The following EPHA8 variants were observed in gnomAD, a reference collection of about 807,000 sequenced individuals.
EPHA8 encodes ephrin type-A receptor 8.
Under a neutral mutation model 103.6 loss-of-function variants are expected in EPHA8, and 58 were observed. The ratio of observed to expected loss-of-function variants is 0.56; its 90% confidence interval spans 0.45 to 0.70. EPHA8 has a LOEUF of 0.70. Ranked by LOEUF, EPHA8 falls within the 30% of genes least tolerant of loss-of-function variation. The pLI, the probability that EPHA8 is intolerant of heterozygous loss-of-function variation, is 0.00. For synonymous variants in EPHA8, 559 were observed against 572.5 expected, an observed-to-expected ratio of 0.98 and a Z score of 0.34; for missense variants, 1,304 against 1,395.2, an observed-to-expected ratio of 0.93 and a Z score of 1.04.
At chr1:22,592,951 G>A (rs1160942391) in intron 5 of EPHA8, among the ~76,000 whole-genome samples, 3 of 152,150 alleles carry the variant, frequency 2.0e-5, no homozygotes, top group African/African-American at 7.2e-5. Flanking sequence ...CCAAACCCAG[G>A]CAGTGAGGGG....
rs912824770 is a variant in EPHA8, at chr1:22,598,450, G to T, written c.2178+238G>T. 6.6e-6 allele frequency among the ~76,000 whole-genome samples: 1 copy of T among 152,212 alleles called. No individual in the cohort carries two copies. The highest frequency in any genetic ancestry group is 1.5e-5 in the Non-Finnish European group (1 of 68,042). On this transcript the variant is annotated intron_variant, in intron 12 of 16. Transcript: ENST00000166244. This position sits in a 1 kb window ranked among gnomAD's most constrained non-coding sequence, Gnocchi z 5.1. ...TCCTGCTGCCCTGCACACAGGCTGAGGGGGGTGCCTCTGTGGGAATCCAGG... is the reference window on the plus strand; with the variant it reads ...TCCTGCTGCCCTGCACACAGGCTGATGGGGGTGCCTCTGTGGGAATCCAGG...
intron 2 of EPHA8, among the ~76,000 whole-genome samples, chr1:22,572,520 C>G (rs1640572348): frequency 6.6e-6 from 1 of 152,224 alleles, no homozygotes; most frequent in Admixed American, 6.5e-5. Context: ...CTTCCGCATG[C>G]TGGGACGTGC....
intron 5 of EPHA8, 44 bp from the exon 6 acceptor site, chr1:22,593,282 G>A (rs759343350): frequency 9.1e-6 from 14 of 1,538,890 alleles, no homozygotes; most frequent in South Asian, 4.8e-5. Context: ...GAGAGGCCAC[G>A]CCTTGTCTCC....
At chr1:22,583,752 G>T (rs1641111103) in intron 3 of EPHA8, among the ~76,000 whole-genome samples, 1 of 152,226 alleles carries the variant, frequency 6.6e-6, no homozygotes, top group Middle Eastern at 3.2e-3. Context: ...ATGTCACTGA[G>T]CTCAGATAAA....
Position 22,596,092 on chromosome 1 carries a change from G to T in EPHA8, c.1698-14G>T, listed in dbSNP as rs377345132. ...GTGGCCTGGCCTCAGGCAGGGCGGT[G>T]CCCTCCTCTGCAGGCACTGTGGCTA... On this transcript the variant is annotated splice_polypyrimidine_tract_variant and intron_variant, in intron 8 of 16. Transcript: ENST00000166244. 2.3e-5 allele frequency: 37 copies of T among 1,613,380 alleles called. No homozygotes were observed. Among genetic ancestry groups the T allele is most frequent in the Middle Eastern group, 1.6e-4 (1 of 6,082 alleles).
chr1:22,591,223 C>A (rs545152678), intron 5 of EPHA8, among the ~76,000 whole-genome samples: 1 of 152,040 alleles, frequency 6.6e-6, no homozygotes, highest in East Asian at 1.9e-4. Context: ...GACCCCATCT[C>A]TACAAAAAAA....
In EPHA8 at chr1:22,569,161, G is replaced by A; in HGVS notation, c.95-128G>A. 1.2e-6 allele frequency: 1 copy of A among 827,404 alleles called. No homozygotes were observed. The highest frequency in any genetic ancestry group is 2.0e-6 in the Non-Finnish European group (1 of 507,666). The allele number at this position is 827,404 out of a possible 1,614,324, so 51.3% of individuals were successfully genotyped here. A position where few individuals can be genotyped will look rare whatever the true frequency, so the allele number is the denominator to read the frequency against. On this transcript the variant is annotated intron_variant, in intron 1 of 16. Transcript: ENST00000166244. This position sits in a 1 kb window ranked among gnomAD's most constrained non-coding sequence, Gnocchi z 4.5. ...GAGGGGAAGAGAGAAAGGGCATTCAGGCAGAGGGACCCGTGTGAGCTGTGT... is the reference window on the plus strand; with the variant it reads ...GAGGGGAAGAGAGAAAGGGCATTCAAGCAGAGGGACCCGTGTGAGCTGTGT...
intron 13 of EPHA8, among the ~76,000 whole-genome samples, chr1:22,599,896 GAAGGA>G (rs2148270366): frequency 1.3e-5 from 1 of 75,338 alleles, no homozygotes; most frequent in African/African-American, 5.8e-5. Context: ...GGGGAGGAAG[GAAGGA>G]AGGGAGGGAA....
chr1:22,600,114 G>A (rs1189760812), intron 13 of EPHA8, among the ~76,000 whole-genome samples: 2 of 124,274 alleles, frequency 1.6e-5, no homozygotes, highest in Non-Finnish European at 3.4e-5. Context: ...GAAGGAGGAA[G>A]GAAGGAGGGA....
intron 3 of EPHA8, among the ~76,000 whole-genome samples, chr1:22,585,511 C>T (rs1641177819): frequency 6.6e-6 from 1 of 152,204 alleles, no homozygotes; most frequent in Non-Finnish European, 1.5e-5. Flanking sequence ...CCTTAGCCCC[C>T]TTGTTCTCTC....
chr1:22,586,735 G>A (rs1641220691), intron 4 of EPHA8, 100 bp downstream of exon 4: 2 of 1,475,260 alleles, frequency 1.4e-6, no homozygotes, highest in South Asian at 1.3e-5. Context: ...CTCTGCTGGT[G>A]GGGCAGGGGC....
chr1:22,582,228 G>A (rs570220), intron 3 of EPHA8, among the ~76,000 whole-genome samples: 49,377 of 152,124 alleles, frequency 0.32, 10,227 homozygotes, highest in African/African-American at 0.6. Context: ...CTTCTGGGCA[G>A]TTCTCTCAGC....
Position 22,598,008 on chromosome 1 carries a change from C to A in EPHA8, c.2117-143C>A, listed in dbSNP as rs1454029133. 4 of 1,420,524 alleles carry A rather than the reference C, an allele frequency of 2.8e-6. No homozygotes were observed. The highest frequency in any genetic ancestry group is 3.9e-6 in the Non-Finnish European group (4 of 1,019,776). 88.0% of individuals were successfully genotyped at this position (1,420,524 alleles called of 1,614,324 possible). On this transcript the variant is annotated intron_variant, in intron 11 of 16. Coordinates refer to ENST00000166244, the MANE Select transcript of EPHA8 (RefSeq NM_020526.5). This position sits in a 1 kb window ranked among gnomAD's most constrained non-coding sequence, Gnocchi z 5.1. ...CCTGAATGACTCGGGGTGCCCAGAG[C>A]CTGGGACCCCAGTGGAAACCCAAGG...
chr1:22,584,293 C>T (rs1370609198), intron 3 of EPHA8, among the ~76,000 whole-genome samples: 5 of 152,300 alleles, frequency 3.3e-5, no homozygotes, highest in Admixed American at 6.5e-5. Flanking sequence ...CTCACGACTC[C>T]GAGCTCCTAG....
Position 22,589,294 on chromosome 1 carries a change from A to G in EPHA8, c.1315+88A>G, listed in dbSNP as rs771267594. 1 of 1,613,138 alleles carries G rather than the reference A, an allele frequency of 6.2e-7. No individual in the cohort carries two copies. The highest frequency in any genetic ancestry group is 8.5e-7 in the Non-Finnish European group (1 of 1,179,830). On this transcript the variant is annotated intron_variant, in intron 5 of 16. Coordinates refer to ENST00000166244, the MANE Select transcript of EPHA8 (RefSeq NM_020526.5). The surrounding 1 kb of genome is among the most constrained non-coding windows in gnomAD (Gnocchi z 4.3). ...TCCAGGGATCAGAGCTCTGCCGGGGACGTGCTGTGGGCCTTTAGGCAAGTG... is the reference window on the plus strand; with the variant it reads ...TCCAGGGATCAGAGCTCTGCCGGGGGCGTGCTGTGGGCCTTTAGGCAAGTG...
chr1:22,597,767 G>T lies in EPHA8; in HGVS notation c.2022G>T (p.Thr674=). The change falls in exon 11 of 17, where the codon ACG becomes ACT. Residue 674 remains threonine, a synonymous_variant. Coordinates refer to ENST00000166244, the MANE Select transcript of EPHA8 (RefSeq NM_020526.5). The surrounding 1 kb of genome is among the most constrained non-coding windows in gnomAD (Gnocchi z 4.6). ...TCAAGGCCCTCAAAGCCGGCTACAC[G>T]GAGAGACAGAGGCGGGACTTCCTGA... ...VAIKALKAGY[T]ERQRRDFLSE... 1 of 1,613,252 alleles carries T rather than the reference G, an allele frequency of 6.2e-7. No individual in the cohort carries two copies. The highest frequency in any genetic ancestry group is 8.5e-7 in the Non-Finnish European group (1 of 1,180,002).
intron 5 of EPHA8, among the ~76,000 whole-genome samples, chr1:22,591,236 T>G (rs1174773645): frequency 1.3e-5 from 2 of 151,310 alleles, no homozygotes; most frequent in Non-Finnish European, 2.9e-5. Context: ...CAAAAAAAAT[T>G]TTTTTTGAGA....
chr1:22,564,946 C>T (rs543671698), intron 1 of EPHA8, among the ~76,000 whole-genome samples: 2 of 152,192 alleles, frequency 1.3e-5, no homozygotes, highest in East Asian at 1.9e-4. Context: ...CACAGCTCAC[C>T]GAGGGCCCAC....
Position 22,602,347 on chromosome 1 carries a change from T to G in EPHA8, c.*606T>G, listed in dbSNP as rs1431732464. The G allele has an allele frequency of 6.4e-6, 1 of 156,472 alleles. No individual in the cohort carries two copies. Among genetic ancestry groups the G allele is most frequent in the Non-Finnish European group, 1.4e-5 (1 of 71,270 alleles). The allele number at this position is 156,472 out of a possible 1,614,324, so 9.7% of individuals were successfully genotyped here. On this transcript the variant is annotated 3_prime_UTR_variant, in exon 17 of 17. Coordinates refer to ENST00000166244, the MANE Select transcript of EPHA8 (RefSeq NM_020526.5). Reference sequence around the variant, plus strand: ...CTGGAGGCTGGAGCCAGGGGCCACTTCTGAACTGCACCAGCACCAGGCCCA... The same window carrying G: ...CTGGAGGCTGGAGCCAGGGGCCACTGCTGAACTGCACCAGCACCAGGCCCA...
Sources: gnomAD v4.1 joint callset for allele counts (sites outside exome capture counted in the v4.1 genomes callset) on GRCh38, gnomAD v4.1.1 for gene constraint, Gnocchi (gnomAD v3.1) non-coding constraint, MANE v1.5 for transcripts, NCBI Gene and HGNC (gene_info 2026-07-23, HGNC 2026-07-21) for gene names.